CNTFR: variants seen among roughly 807,000 people sequenced by gnomAD.
The protein encoded by CNTFR is ciliary neurotrophic factor receptor, also known as ciliary neurotrophic factor receptor subunit alpha.
Under a neutral mutation model 40.4 loss-of-function variants are expected in CNTFR, and 12 were observed. The observed-to-expected ratio is 0.30, with a 90% CI of 0.19 to 0.48. CNTFR has a LOEUF of 0.48. CNTFR is among the 20% of genes least tolerant of loss of function. The pLI, the probability that CNTFR is intolerant of heterozygous loss-of-function variation, is 0.99. For synonymous variants in CNTFR, 202 were observed against 209.6 expected (o/e 0.96, Z 0.31); for missense variants, 414 against 506.8 (o/e 0.82, Z 1.76).
intron 7 of CNTFR, among the ~76,000 whole-genome samples, chr9:34,555,097 C>T (rs1341720242): frequency 3.3e-5 from 5 of 152,230 alleles, no homozygotes; most frequent in South Asian, 2.1e-4. Context: ...CACTGCAAGG[C>T]GTGTGCGCCG....
At position 34,558,042 on chromosome 9, in the gene CNTFR, T is replaced by C. The variant is rs929060898; in HGVS notation, c.320-58A>G. On this transcript the variant is annotated intron_variant, in intron 4 of 9. Transcript: ENST00000378980. ...TTGGAGCTCCCAGTCCCCTGCACTGTATGGGGACAGGTGGGCCCCAGAGCC... is the reference window on the plus strand; with the variant it reads ...TTGGAGCTCCCAGTCCCCTGCACTGCATGGGGACAGGTGGGCCCCAGAGCC... 7 of 1,226,502 alleles carry C rather than the reference T, an allele frequency of 5.7e-6. No individual in the cohort carries two copies. In the African/African-American group the frequency reaches 1.1e-4, roughly 19 times the overall value. The allele number at this position is 1,226,502 out of a possible 1,614,324, so 76.0% of individuals were successfully genotyped here. A position where few individuals can be genotyped will look rare whatever the true frequency, so the allele number is the denominator to read the frequency against.
intron 4 of CNTFR, among the ~76,000 whole-genome samples, chr9:34,558,517 C>A (rs564258020): frequency 6.6e-6 from 1 of 152,158 alleles, no homozygotes; most frequent in Non-Finnish European, 1.5e-5. Flanking sequence ...TGTTTGTATG[C>A]GTATCTGTGT....
chr9:34,581,251 G>A (rs1827273276), intron 1 of CNTFR, 46 bp from the exon 2 acceptor site: 2 of 152,420 alleles, frequency 1.3e-5, no homozygotes, highest in South Asian at 4.1e-4. Context: ...AGGAGCCACA[G>A]GCCTTAGTCC....
At chr9:34,564,419 A>C (rs1826192287) in intron 4 of CNTFR, among the ~76,000 whole-genome samples, 180 bp downstream of exon 4, 1 of 152,226 alleles carries the variant, frequency 6.6e-6, no homozygotes, top group African/African-American at 2.4e-5. Flanking sequence ...GTCTGGACTC[A>C]GTGGGTAAGA....
chr9:34,556,378 C>T lies in CNTFR; in HGVS notation c.645G>A (p.Val215=). 1 of 1,613,568 alleles carries T rather than the reference C, an allele frequency of 6.2e-7. No individual in the cohort carries two copies. The highest frequency in any genetic ancestry group is 8.5e-7 in the Non-Finnish European group (1 of 1,179,736). ...DPPENVVARP[V]PSNPRRLEVT... is the part of the protein sequence containing the mutation. The stretch of plus-strand genomic sequence containing the variant: ...CCTCCAGCCGGCGAGGGTTGCTGGG[C>T]ACTGGCCGGGCTACCACATTTTCTG... The change falls in exon 7 of 10, where the codon GTG becomes GTA. Residue 215 remains valine, a synonymous_variant. Transcript: ENST00000378980.
chr9:34,552,144 A>G lies in CNTFR; in HGVS notation c.1118+17T>C, dbSNP rs1825650452. ...TTCCCTCAGGCTCCCTCTGCCACCC[A>G]GCCTCACTCAACCTACCAGATCAAG... is the stretch of plus-strand genomic sequence containing the variant. On this transcript the variant is annotated intron_variant, in intron 9 of 9. Coordinates refer to ENST00000378980, the MANE Select transcript of CNTFR (RefSeq NM_147164.3). This position sits in a 1 kb window ranked among gnomAD's most constrained non-coding sequence, Gnocchi z 5.1. 1 of 1,593,068 alleles carries G rather than the reference A, an allele frequency of 6.3e-7. No homozygotes were observed. The highest frequency in any genetic ancestry group is 8.5e-7 in the Non-Finnish European group (1 of 1,169,966).
At chr9:34,566,744 A>C (rs10972150) in intron 3 of CNTFR, among the ~76,000 whole-genome samples, 1,949 of 152,264 alleles carry the variant, frequency 0.013, 27 homozygotes, top group African/African-American at 0.037. Flanking sequence ...ACGTGGACCC[A>C]GTGTGGCCCT....
chr9:34,552,184 G>GGC lies in CNTFR; in HGVS notation c.1093_1094dup (p.Thr366ProfsTer7). The GGC allele has an allele frequency of 6.3e-7, 1 of 1,594,314 alleles. No individual in the cohort carries two copies. The highest frequency in any genetic ancestry group is 8.5e-7 in the Non-Finnish European group (1 of 1,170,974). On this transcript the variant is annotated frameshift_variant, in exon 9 of 10. Transcript: ENST00000378980. LOFTEE classifies it high-confidence loss of function. This position sits in a 1 kb window ranked among gnomAD's most constrained non-coding sequence, Gnocchi z 5.1. ...ACCAGATCAAGAGACTGCTGGCAGT[G>GGC]GCGGCAGCGGCAGCCAGGGCCAGAG...
intron 2 of CNTFR, among the ~76,000 whole-genome samples, chr9:34,573,700 A>G (rs1431846639): frequency 6.6e-6 from 1 of 152,150 alleles, no homozygotes; most frequent in Non-Finnish European, 1.5e-5. Flanking sequence ...CAGTGAGGGG[A>G]AAAGGCACCT....
chr9:34,580,838 C>T (rs183899053), intron 2 of CNTFR, among the ~76,000 whole-genome samples: 10 of 152,334 alleles, frequency 6.6e-5, no homozygotes, highest in Admixed American at 4.6e-4. Flanking sequence ...ACTCAGCACC[C>T]CCTTAGTATA....
At chr9:34,556,148 T>C in intron 7 of CNTFR, 107 bp downstream of exon 7, 1 of 1,241,158 alleles carries the variant, frequency 8.1e-7, no homozygotes, top group Middle Eastern at 2.4e-4. Context: ...GAGAGCCTGA[T>C]GCATCAGGTC....
chr9:34,577,382 G>A (rs1027493329), intron 2 of CNTFR, among the ~76,000 whole-genome samples: 5 of 152,216 alleles, frequency 3.3e-5, no homozygotes, highest in African/African-American at 1.2e-4. Context: ...GGGACTTCGG[G>A]GAAGGGGGCA....
intron 2 of CNTFR, among the ~76,000 whole-genome samples, chr9:34,580,510 T>C (rs1827230164): frequency 6.6e-6 from 1 of 152,156 alleles, no homozygotes; most frequent in African/African-American, 2.4e-5. Context: ...GTTTGGGAGC[T>C]GAGATGAAAA....
chr9:34,557,863 T>A lies in CNTFR; in HGVS notation c.437+4A>T, dbSNP rs750862783. The A allele has an allele frequency of 6.4e-7, 1 of 1,560,220 alleles. No homozygotes were observed. The stretch of plus-strand genomic sequence containing the variant: ...GGACCCGGGTCACAGGCGCAGCTAC[T>A]CACAGCACAGTCACATTGAAGGTGT... On this transcript the variant is annotated splice_donor_region_variant and intron_variant, in intron 5 of 9. Transcript: ENST00000378980. The surrounding 1 kb of genome is among the most constrained non-coding windows in gnomAD (Gnocchi z 4.2).
intron 1 of CNTFR, among the ~76,000 whole-genome samples, chr9:34,582,034 G>T (rs1827313764): frequency 6.6e-6 from 1 of 152,122 alleles, no homozygotes; most frequent in Admixed American, 6.5e-5. Flanking sequence ...AGCACTTTGG[G>T]AGGCTGAAGC....
At chr9:34,585,150 A>G (rs1827484616) in intron 1 of CNTFR, among the ~76,000 whole-genome samples, 1 of 152,226 alleles carries the variant, frequency 6.6e-6, no homozygotes, top group Non-Finnish European at 1.5e-5. Flanking sequence ...ATTACTGTTC[A>G]CACAAGAATG....
intron 4 of CNTFR, among the ~76,000 whole-genome samples, chr9:34,562,545 G>GC (rs1456157197): frequency 6.6e-6 from 1 of 152,148 alleles, no homozygotes; most frequent in African/African-American, 2.4e-5. Context: ...CAACCCTTCA[G>GC]CCTAACATTT....
chr9:34,552,829 T>C lies in CNTFR; in HGVS notation c.794A>G (p.His265Arg), dbSNP rs763388418. 6.2e-7 allele frequency: 1 copy of C among 1,612,830 alleles called. No homozygotes were observed. Among genetic ancestry groups the C allele is most frequent in the South Asian group, 1.1e-5 (1 of 91,038 alleles). Residue 265 changes from histidine (H) to arginine (R), a missense_variant, in exon 8 of 10, where the codon CAC (histidine) becomes CGC (arginine). This residue lies in a region of CNTFR where 83 missense variants were observed against 145.0 expected (regional missense o/e 0.57). Coordinates refer to ENST00000378980, the MANE Select transcript of CNTFR (RefSeq NM_147164.3). The surrounding 1 kb of genome is among the most constrained non-coding windows in gnomAD (Gnocchi z 5.1). ...QHVELSDGTA[H>R]TITDAYAGKE... ...CCCGGCGTAGGCATCTGTGATGGTGTGTGCTGTGCCGTCGGACAGCTCCAC... is the reference window on the plus strand; with the variant it reads ...CCCGGCGTAGGCATCTGTGATGGTGCGTGCTGTGCCGTCGGACAGCTCCAC...
chr9:34,556,213 C>A, intron 7 of CNTFR, 42 bp downstream of exon 7: 1 of 1,589,354 alleles, frequency 6.3e-7, no homozygotes, highest in East Asian at 2.3e-5. Flanking sequence ...GCACATGATT[C>A]TAACTCAGGC....
Sources: allele counts gnomAD v4.1 joint callset (sites outside exome capture counted in the v4.1 genomes callset), GRCh38; gene constraint gnomAD v4.1.1; regional missense constraint gnomAD v4.1.1; non-coding constraint Gnocchi (gnomAD v3.1); transcripts MANE v1.5; gene names NCBI Gene and HGNC (gene_info 2026-07-23, HGNC 2026-07-21).